CCDC57: variants seen among roughly 807,000 people sequenced by gnomAD.
CCDC57 encodes coiled-coil domain-containing protein 57.
Under a neutral mutation model 118.9 loss-of-function variants are expected in CCDC57, and 118 were observed. That is an observed-to-expected ratio of 0.99 (90% CI 0.86 to 1.16). The LOEUF is 1.16. CCDC57 is among the 50% of genes most tolerant of loss of function. The pLI is 0.00. For missense variants in CCDC57, 1,300 were observed against 1,320.7 expected (o/e 0.98, Z 0.24); for synonymous variants, 527 against 532.9 (o/e 0.99, Z 0.15).
At chr17:82,158,416 G>A (rs895020477) in intron 14 of CCDC57, among the ~76,000 whole-genome samples, 1 of 152,164 alleles carries the variant, frequency 6.6e-6, no homozygotes, top group Admixed American at 6.5e-5. Context: ...GGCTGGGTGC[G>A]GTGGCTCACG....
chr17:82,126,998 G>A, intron 19 of CCDC57: 2 of 985,346 alleles, frequency 2.0e-6, no homozygotes, highest in Non-Finnish European at 2.4e-6. Flanking sequence ...AGCAGCATCT[G>A]TTTCCCTCCC....
chr17:82,176,679 A>G (rs947336952), intron 11 of CCDC57, among the ~76,000 whole-genome samples: 13 of 152,174 alleles, frequency 8.5e-5, no homozygotes, highest in African/African-American at 3.1e-4. Context: ...TGGACTTCGT[A>G]GCCCCCATGA....
chr17:82,103,182 C>T (rs1329335341), intron 19 of CCDC57, among the ~76,000 whole-genome samples: 3 of 152,260 alleles, frequency 2.0e-5, no homozygotes, highest in Non-Finnish European at 2.9e-5. Context: ...GGCAGCCACA[C>T]ACTCCCAGCC....
rs1457775188 is a variant in CCDC57 at position 82,126,737 on chromosome 17, C to T, written c.2899+955G>A. 1.0e-5 allele frequency: 10 copies of T among 985,274 alleles called. No homozygotes were observed. In the East Asian group the frequency reaches 3.4e-4, roughly 33 times the overall value. 61.0% of individuals were successfully genotyped at this position (985,274 alleles called of 1,614,324 possible). The stretch of plus-strand genomic sequence containing the variant: ...CTTGACTACGCAAGCCCCTGGGGCA[C>T]GTACACGTGTGTTTTCACACACACT... On this transcript the variant is annotated intron_variant, in intron 19 of 19. Coordinates refer to ENST00000665763, the Ensembl canonical transcript of CCDC57.
chr17:82,189,440 TGAGA>T (rs766870504), intron 7 of CCDC57, among the ~76,000 whole-genome samples: 7 of 152,236 alleles, frequency 4.6e-5, no homozygotes, highest in Non-Finnish European at 8.8e-5. Flanking sequence ...CTACTGGGAC[TGAGA>T]GAGTGAACAG....
chr17:82,109,281 G>A (rs758768608), intron 19 of CCDC57, among the ~76,000 whole-genome samples: 2 of 152,220 alleles, frequency 1.3e-5, no homozygotes, highest in African/African-American at 2.4e-5. Flanking sequence ...GGGGCGTGTG[G>A]AGCGCATGCC....
chr17:82,197,258 C>T (rs2048432848), intron 4 of CCDC57, among the ~76,000 whole-genome samples: 1 of 152,128 alleles, frequency 6.6e-6, no homozygotes, highest in African/African-American at 2.4e-5. Flanking sequence ...AGACGCAGCC[C>T]CTCATGACAC....
intron 19 of CCDC57, among the ~76,000 whole-genome samples, chr17:82,103,343 A>C (rs1373712566): frequency 2.0e-5 from 3 of 151,840 alleles, no homozygotes; most frequent in Non-Finnish European, 4.4e-5. Flanking sequence ...GGGGCCCTGG[A>C]CGCTGCCTGC....
chr17:82,112,283 T>C (rs562669051), intron 19 of CCDC57: 1 of 152,460 alleles, frequency 6.6e-6, no homozygotes, highest in African/African-American at 2.4e-5. Context: ...CTTGGATTTC[T>C]GTAGCTGCAG....
chr17:82,160,873 CAAAAAAAAAAA>C (rs55750984), intron 14 of CCDC57, among the ~76,000 whole-genome samples: 15 of 60,864 alleles, frequency 2.5e-4, no homozygotes, highest in Admixed American at 1.9e-3. Context: ...GACTCTGTCT[CAAAAAAAAAAA>C]AAAAAAAAAA....
At chr17:82,176,056 T>G (rs183347454) in intron 11 of CCDC57, among the ~76,000 whole-genome samples, 1 of 152,198 alleles carries the variant, frequency 6.6e-6, no homozygotes, top group Admixed American at 6.5e-5. Flanking sequence ...TCTGACATAA[T>G]GTAAAAGAGT....
intron 7 of CCDC57, among the ~76,000 whole-genome samples, chr17:82,189,233 AC>A (rs1456964439): frequency 4.6e-5 from 7 of 152,104 alleles, no homozygotes; most frequent in Non-Finnish European, 7.4e-5. Context: ...GTGCCACTGC[AC>A]TCCAGCCTGA....
intron 11 of CCDC57, among the ~76,000 whole-genome samples, chr17:82,177,311 G>T (rs1568371750): frequency 6.6e-6 from 1 of 152,166 alleles, no homozygotes; most frequent in South Asian, 2.1e-4. Flanking sequence ...GGGAGGCGGA[G>T]GGTGCGGTGA....
At chr17:82,167,500 A>G (rs1048788781) in intron 13 of CCDC57, among the ~76,000 whole-genome samples, 10 of 151,874 alleles carry the variant, frequency 6.6e-5, no homozygotes, top group African/African-American at 1.7e-4. Context: ...ACAGGTGTCC[A>G]CCACCATGCC....
At chr17:82,200,672 A>T (rs1413826889) in intron 3 of CCDC57, among the ~76,000 whole-genome samples, 3 of 152,158 alleles carry the variant, frequency 2.0e-5, no homozygotes, top group Non-Finnish European at 2.9e-5. Flanking sequence ...GGGCACCTAT[A>T]GTCCCAGCTA....
chr17:82,132,106 G>C (rs6502063), intron 17 of CCDC57, among the ~76,000 whole-genome samples: 112 of 141,154 alleles, frequency 7.9e-4, no homozygotes, highest in African/African-American at 2.9e-3. Flanking sequence ...GTGACAGAGC[G>C]AGACTCTGTC....
intron 19 of CCDC57, among the ~76,000 whole-genome samples, chr17:82,111,077 G>T (rs2035210042): frequency 6.6e-6 from 1 of 151,940 alleles, no homozygotes; most frequent in African/African-American, 2.4e-5. Flanking sequence ...ATCAAAGACA[G>T]ACTTTGTTTG....
chr17:82,101,611 C>T (rs1127678), exon 20 of CCDC57: 265,276 of 1,273,680 alleles, frequency 0.21, 29,503 homozygotes, highest in African/African-American at 0.29. Flanking sequence ...CCCCACAACA[C>T]GTAGGTGAAA....
chr17:82,105,586 TAA>T (rs2034791119), intron 19 of CCDC57, among the ~76,000 whole-genome samples: 1 of 152,062 alleles, frequency 6.6e-6, no homozygotes, highest in South Asian at 2.1e-4. Context: ...CCTCACCTGC[TAA>T]AGTCTCCTAA....
Sources: allele counts gnomAD v4.1 joint callset (sites outside exome capture counted in the v4.1 genomes callset), GRCh38; gene constraint gnomAD v4.1.1; transcripts MANE v1.5; gene names NCBI Gene and HGNC (gene_info 2026-07-23, HGNC 2026-07-21).